Variants in BNC2 observed in about 807,000 individuals in gnomAD.
BNC2 encodes the protein zinc finger protein basonuclin-2.
Under a neutral mutation model 76.3 loss-of-function variants are expected in BNC2, and 20 were observed. That is an observed-to-expected ratio of 0.26 (90% CI 0.18 to 0.38). The LOEUF (loss-of-function observed/expected upper bound fraction) is 0.38, where lower values mean the gene tolerates loss of function less well. Ranked by LOEUF, BNC2 falls within the 10% of genes least tolerant of loss-of-function variation. The probability of loss-of-function intolerance (pLI) is 1.00; values close to 1 mark genes in which losing one functional copy is unlikely to be tolerated. For synonymous variants in BNC2, 582 were observed against 514.8 expected (o/e 1.13, Z -1.77); for missense variants, 1,382 against 1,399.8 (o/e 0.99, Z 0.20).
At chr9:16,656,324 G>T (rs139081684) in intron 3 of BNC2, among the ~76,000 whole-genome samples, 51 of 152,254 alleles carry the variant, frequency 3.3e-4, no homozygotes, top group African/African-American at 7.9e-4. Flanking sequence ...ACAAAGGGAC[G>T]ACAATGGGGC....
chr9:16,805,081 T>C (rs1817872682), intron 1 of BNC2, among the ~76,000 whole-genome samples: 1 of 151,876 alleles, frequency 6.6e-6, no homozygotes, highest in African/African-American at 2.4e-5. Flanking sequence ...AAAAGTGGTG[T>C]GGGGATCTGT....
At chr9:16,458,161 T>C (rs1209837128) in intron 5 of BNC2, among the ~76,000 whole-genome samples, 1 of 152,134 alleles carries the variant, frequency 6.6e-6, no homozygotes, top group Non-Finnish European at 1.5e-5. Flanking sequence ...ACCCCTACCA[T>C]TATAAACTGT....
rs180757425 is a variant in BNC2 at position 16,474,696 on chromosome 9, A to C, written c.670-37172T>G. Among the ~76,000 whole-genome samples, 10 of 152,316 alleles carry C rather than the reference A, an allele frequency of 6.6e-5. No homozygotes were observed. The East Asian group carries it at 1.9e-3, about 29-fold the overall frequency. On this transcript the variant is annotated intron_variant, in intron 5 of 6. Coordinates refer to ENST00000380672, the MANE Select transcript of BNC2 (RefSeq NM_017637.6). ...TTCATATAGTGTAATAGAAAAACGC[A>C]AAGTGTTTTAATTGCACTTGAAGCT...
chr9:16,528,069 A>C (rs1221715985), intron 5 of BNC2, among the ~76,000 whole-genome samples: 2 of 152,238 alleles, frequency 1.3e-5, no homozygotes, highest in Non-Finnish European at 2.9e-5. Flanking sequence ...TGGACTTGGA[A>C]GTGAGGAAAG....
intron 3 of BNC2, among the ~76,000 whole-genome samples, chr9:16,662,849 C>T (rs1409904418): frequency 1.3e-5 from 2 of 152,160 alleles, no homozygotes; most frequent in East Asian, 3.9e-4. Flanking sequence ...AAACACCATT[C>T]TTAAAAGGTT....
chr9:16,513,038 G>GA (rs1738071044), intron 5 of BNC2, among the ~76,000 whole-genome samples: 1 of 152,030 alleles, frequency 6.6e-6, no homozygotes, highest in Non-Finnish European at 1.5e-5. Flanking sequence ...GGGAGGCTGA[G>GA]ACATGAGAAT....
intron 5 of BNC2, among the ~76,000 whole-genome samples, chr9:16,499,233 T>A (rs941144825): frequency 3.9e-5 from 6 of 152,200 alleles, no homozygotes; most frequent in Admixed American, 3.9e-4. Flanking sequence ...ATTACTATTC[T>A]CATTTAACAA....
intron 5 of BNC2, among the ~76,000 whole-genome samples, chr9:16,495,203 A>G (rs560058203): frequency 7.9e-5 from 12 of 152,320 alleles, no homozygotes; most frequent in Admixed American, 2.6e-4. Context: ...AGATCCTAAA[A>G]AAGGACAGTC....
At chr9:16,442,831 C>A (rs1359322021) in intron 5 of BNC2, among the ~76,000 whole-genome samples, 1 of 152,036 alleles carries the variant, frequency 6.6e-6, no homozygotes, top group Non-Finnish European at 1.5e-5. Flanking sequence ...AGCAGCCGGG[C>A]ACGGTGACTC....
At chr9:16,498,286 T>C (rs977064945) in intron 5 of BNC2, among the ~76,000 whole-genome samples, 5 of 108,634 alleles carry the variant, frequency 4.6e-5, no homozygotes, top group Admixed American at 1.8e-4. Context: ...CATATATATA[T>C]ATATTCCATC....
chr9:16,517,298 T>C (rs115070752), intron 5 of BNC2, among the ~76,000 whole-genome samples: 25 of 152,256 alleles, frequency 1.6e-4, no homozygotes, highest in African/African-American at 5.8e-4. Context: ...TTTTTTAACA[T>C]AGGCAAGGTA....
chr9:16,691,400 A>T (rs959760883), intron 3 of BNC2, among the ~76,000 whole-genome samples: 4 of 152,090 alleles, frequency 2.6e-5, no homozygotes, highest in African/African-American at 9.7e-5. Context: ...CTACTATTGG[A>T]CAGATTTCAC....
chr9:16,508,947 A>C (rs1822693401), intron 5 of BNC2, among the ~76,000 whole-genome samples: 1 of 151,948 alleles, frequency 6.6e-6, no homozygotes, highest in Non-Finnish European at 1.5e-5. Flanking sequence ...CAGCCTCCCA[A>C]GTAGCTGGGA....
chr9:16,847,401 C>CGGGGGGG (rs869051853), intron 1 of BNC2, among the ~76,000 whole-genome samples: 137 of 10,292 alleles, frequency 0.013, 13 homozygotes, highest in East Asian at 0.067. Context: ...TTTCTCGGGG[C>CGGGGGGG]GGGGGGGGGG....
chr9:16,596,444 T>A lies in BNC2; in HGVS notation c.331-13359A>T, dbSNP rs186734418. Among the ~76,000 whole-genome samples, 6 of 152,210 alleles carry A rather than the reference T, an allele frequency of 3.9e-5. No homozygotes were observed. The East Asian group carries it at 1.2e-3, about 29-fold the overall frequency. ...AGATATCTACACACACTAGGTAAAT[T>A]GCAAAACCCGATTTCTAAGATAGCA... On this transcript the variant is annotated intron_variant, in intron 3 of 6. Transcript: ENST00000380672.
At chr9:16,690,318 T>C (rs2026806) in intron 3 of BNC2, among the ~76,000 whole-genome samples, 97,891 of 151,868 alleles carry the variant, frequency 0.64, 34,992 homozygotes, top group Non-Finnish European at 0.83. Context: ...AAAGTAATAA[T>C]GAAAGAAAAA....
At chr9:16,738,103 G>T (rs1264952952) in intron 2 of BNC2, among the ~76,000 whole-genome samples, 1 of 152,078 alleles carries the variant, frequency 6.6e-6, no homozygotes, top group Non-Finnish European at 1.5e-5. Flanking sequence ...TGCAGGGAGA[G>T]AAACAATAGA....
intron 5 of BNC2, among the ~76,000 whole-genome samples, chr9:16,517,031 G>C (rs1282463476): frequency 6.6e-6 from 1 of 152,198 alleles, no homozygotes; most frequent in East Asian, 1.9e-4. Context: ...ACAATATCCA[G>C]ACGAAGCCAA....
chr9:16,661,592 C>T (rs1033201212), intron 3 of BNC2, among the ~76,000 whole-genome samples: 31 of 152,072 alleles, frequency 2.0e-4, no homozygotes, highest in African/African-American at 7.2e-4. Context: ...CATCAGAGTT[C>T]CAATATATTA....
Sources: gnomAD v4.1 joint callset for allele counts (sites outside exome capture counted in the v4.1 genomes callset) on GRCh38, gnomAD v4.1.1 for gene constraint, MANE v1.5 for transcripts, NCBI Gene and HGNC (gene_info 2026-07-23, HGNC 2026-07-21) for gene names.